The following UBE2U variants were observed in gnomAD, a reference collection of about 807,000 sequenced individuals.
The protein encoded by UBE2U is ubiquitin-conjugating enzyme E2 U.
In UBE2U, 39 loss-of-function variants were observed where a neutral mutation model predicts 41.2. That is an observed-to-expected ratio of 0.95 (90% confidence interval 0.73 to 1.24). The LOEUF is 1.24. UBE2U is among the 50% of genes most tolerant of loss of function. The pLI, the probability that UBE2U is intolerant of heterozygous loss-of-function variation, is 0.00. For synonymous variants in UBE2U, 107 were observed against 117.8 expected (o/e 0.91, Z 0.60); for missense variants, 336 against 363.1 (o/e 0.93, Z 0.61).
At chr1:64,263,900 C>G (rs1645215748) in intron 9 of UBE2U, among the ~76,000 whole-genome samples, 1 of 152,304 alleles carries the variant, frequency 6.6e-6, no homozygotes, top group African/African-American at 2.4e-5. Context: ...TTTTGTCCCA[C>G]TTTGGGTGGC....
intron 6 of UBE2U, among the ~76,000 whole-genome samples, chr1:64,231,148 G>A (rs1644556651): frequency 6.8e-6 from 1 of 147,680 alleles, no homozygotes; most frequent in African/African-American, 2.5e-5. Flanking sequence ...GGAAAAAACA[G>A]AAAGCCCCTG....
chr1:64,214,660 C>T (rs1292691141), intron 4 of UBE2U, among the ~76,000 whole-genome samples, 155 bp from the exon 5 acceptor site: 1 of 152,164 alleles, frequency 6.6e-6, no homozygotes, highest in African/African-American at 2.4e-5. Context: ...CTTGAGAGTA[C>T]AGACTATGTC....
intron 8 of UBE2U, among the ~76,000 whole-genome samples, chr1:64,246,677 A>T (rs1644926776): frequency 6.6e-6 from 1 of 152,206 alleles, no homozygotes; most frequent in South Asian, 2.1e-4. Context: ...GGATGTTTTT[A>T]GAGATAGGAA....
At chr1:64,209,829 T>C (rs1651557223) in intron 3 of UBE2U, among the ~76,000 whole-genome samples, 1 of 152,190 alleles carries the variant, frequency 6.6e-6, no homozygotes, top group South Asian at 2.1e-4. Context: ...ATTGAAACTT[T>C]GAAGAAAATT....
At chr1:64,249,345 T>A (rs1019724420) in intron 8 of UBE2U, among the ~76,000 whole-genome samples, 35 of 124,578 alleles carry the variant, frequency 2.8e-4, no homozygotes, top group Non-Finnish European at 1.7e-4. Flanking sequence ...GCCATTGCAC[T>A]CCAGCCTGGG....
At chr1:64,237,250 GA>G (rs563534995) in intron 7 of UBE2U, among the ~76,000 whole-genome samples, 20 of 122,846 alleles carry the variant, frequency 1.6e-4, no homozygotes, top group African/African-American at 3.7e-4. Context: ...CCTAGCAGTG[GA>G]AAAAAAAAAT....
intron 7 of UBE2U, among the ~76,000 whole-genome samples, chr1:64,234,033 C>G (rs1439336137): frequency 6.6e-6 from 1 of 152,208 alleles, no homozygotes; most frequent in East Asian, 1.9e-4. Context: ...ATTCAGTCCT[C>G]TCTACTTACT....
chr1:64,212,668 T>C lies in UBE2U; in HGVS notation c.339+1829T>C, dbSNP rs997168486. Among the ~76,000 whole-genome samples the C allele has an allele frequency of 3.9e-5, 6 of 152,298 alleles. No individual in the cohort carries two copies. In the East Asian group the frequency reaches 5.8e-4, roughly 15 times the overall value. On this transcript the variant is annotated intron_variant, in intron 4 of 9. Transcript: ENST00000371077. ...TTTTCCAATTTTTGAATATTTGCAT[T>C]ACATATACTTACCATTTGAGCATCC... is the stretch of plus-strand genomic sequence containing the variant.
At chr1:64,255,918 C>T (rs1257239625) in intron 8 of UBE2U, among the ~76,000 whole-genome samples, 3 of 152,134 alleles carry the variant, frequency 2.0e-5, no homozygotes, top group Non-Finnish European at 4.4e-5. Flanking sequence ...GCAACTTCAG[C>T]GAAGTCTCAG....
intron 6 of UBE2U, among the ~76,000 whole-genome samples, chr1:64,222,624 C>T (rs1322595054): frequency 6.6e-6 from 1 of 152,142 alleles, no homozygotes; most frequent in African/African-American, 2.4e-5. Flanking sequence ...GGCTGCACTT[C>T]GTTGTGTGTC....
intron 4 of UBE2U, among the ~76,000 whole-genome samples, chr1:64,213,863 T>C (rs1174730074): frequency 2.6e-5 from 4 of 152,216 alleles, no homozygotes; most frequent in African/African-American, 9.6e-5. Flanking sequence ...TATAGCCTGT[T>C]GCTCCTAGGC....
chr1:64,250,320 A>T (rs1419787846), intron 8 of UBE2U, among the ~76,000 whole-genome samples: 1 of 152,234 alleles, frequency 6.6e-6, no homozygotes, highest in Non-Finnish European at 1.5e-5. Context: ...CCTGTATCTA[A>T]TAAAGGAATT....
At chr1:64,237,271 C>T in intron 7 of UBE2U, among the ~76,000 whole-genome samples, 1 of 146,302 alleles carries the variant, frequency 6.8e-6, no homozygotes. Context: ...TTCAGGGCAA[C>T]CCGTACAGAT....
intron 8 of UBE2U, among the ~76,000 whole-genome samples, chr1:64,254,622 T>G (rs985992849): frequency 6.6e-6 from 1 of 152,064 alleles, no homozygotes; most frequent in African/African-American, 2.4e-5. Flanking sequence ...TACAACTAAA[T>G]GGAAATTGAG....
chr1:64,251,577 A>G (rs1168099878), intron 8 of UBE2U, among the ~76,000 whole-genome samples: 1 of 152,152 alleles, frequency 6.6e-6, no homozygotes, highest in Non-Finnish European at 1.5e-5. Context: ...AAAGAAAAGC[A>G]GGGTGAGGTG....
At chr1:64,219,868 G>C (rs1164039319) in intron 5 of UBE2U, among the ~76,000 whole-genome samples, 7 of 152,150 alleles carry the variant, frequency 4.6e-5, no homozygotes, top group African/African-American at 1.7e-4. Context: ...AAAGTGCTGG[G>C]ATTACAGGCA....
In UBE2U at chr1:64,210,727, A is replaced by G; in HGVS notation, c.242-15A>G. On this transcript the variant is annotated splice_polypyrimidine_tract_variant and intron_variant, in intron 3 of 9. Transcript: ENST00000371077. ...TTATTATAAATGCAAATATTAATGT[A>G]TTATTTTAATACAGTAGACCCACAC... The G allele has an allele frequency of 6.9e-7, 1 of 1,442,654 alleles. No individual in the cohort carries two copies. The highest frequency in any genetic ancestry group is 9.3e-7 in the Non-Finnish European group (1 of 1,076,882). The allele number at this position is 1,442,654 out of a possible 1,614,324, so 89.4% of individuals were successfully genotyped here. A position where few individuals can be genotyped will look rare whatever the true frequency, so the allele number is the denominator to read the frequency against.
At chr1:64,263,721 G>A (rs960763854) in intron 9 of UBE2U, among the ~76,000 whole-genome samples, 6 of 152,178 alleles carry the variant, frequency 3.9e-5, no homozygotes, top group African/African-American at 1.4e-4. Context: ...GCCAGTGGGA[G>A]AAACTCACCA....
intron 8 of UBE2U, among the ~76,000 whole-genome samples, chr1:64,247,563 G>C (rs1167661884): frequency 3.3e-5 from 5 of 152,110 alleles, no homozygotes; most frequent in Admixed American, 3.3e-4. Flanking sequence ...GGGAGTGCTA[G>C]TTGTTAAAAA....
Sources: gnomAD v4.1 joint callset for allele counts (sites outside exome capture counted in the v4.1 genomes callset) on GRCh38, gnomAD v4.1.1 for gene constraint, MANE v1.5 for transcripts, NCBI Gene and HGNC (gene_info 2026-07-23, HGNC 2026-07-21) for gene names.